The following SLC14A2 variants were observed in gnomAD, a reference collection of about 807,000 sequenced individuals.
SLC14A2 encodes the protein solute carrier family 14 member 2.
A neutral mutation model predicts 104.6 loss-of-function variants in SLC14A2; 91 were observed. The ratio of observed to expected loss-of-function variants is 0.87; its 90% CI spans 0.73 to 1.04. The LOEUF is 1.04. Among genes scored for constraint, SLC14A2 ranks in the 50% least tolerant of loss-of-function variants. The pLI, the probability that SLC14A2 is intolerant of heterozygous loss-of-function variation, is 0.00. For missense variants in SLC14A2, 1,189 were observed against 1,156.0 expected (o/e 1.03, Z -0.41); for synonymous variants, 476 against 466.4 (o/e 1.02, Z -0.27).
intron 1 of SLC14A2, among the ~76,000 whole-genome samples, chr18:45,349,720 A>G (rs1280433328): frequency 6.6e-6 from 1 of 152,240 alleles, no homozygotes; most frequent in Non-Finnish European, 1.5e-5. Flanking sequence ...TTTCCCTGGA[A>G]TCATCCAAGG....
intron 1 of SLC14A2, among the ~76,000 whole-genome samples, chr18:45,371,172 C>T (rs983755822): frequency 6.6e-6 from 1 of 152,182 alleles, no homozygotes; most frequent in Admixed American, 6.5e-5. Flanking sequence ...CCTGAGACAT[C>T]GCTCTACCTC....
chr18:45,500,026 A>G (rs555697737), intron 2 of SLC14A2, among the ~76,000 whole-genome samples: 7 of 152,358 alleles, frequency 4.6e-5, no homozygotes, highest in Non-Finnish European at 1.0e-4. Flanking sequence ...TCTAGAGTCA[A>G]ATTAGACTCC....
intron 2 of SLC14A2, among the ~76,000 whole-genome samples, chr18:45,504,527 T>C (rs1173487127): frequency 6.6e-6 from 1 of 152,238 alleles, no homozygotes; most frequent in Non-Finnish European, 1.5e-5. Flanking sequence ...CTAGTTAATA[T>C]CCTGTTTAAG....
At chr18:45,504,723 A>T (rs2043255122) in intron 2 of SLC14A2, among the ~76,000 whole-genome samples, 1 of 152,226 alleles carries the variant, frequency 6.6e-6, no homozygotes, top group Admixed American at 6.5e-5. Context: ...GAAGCAACTC[A>T]ATCCAGGAAC....
the SLC14A2 span, among the ~76,000 whole-genome samples, chr18:45,194,668 C>T: frequency 1.7e-4 from 15 of 85,920 alleles, no homozygotes; most frequent in African/African-American, 5.0e-4. Flanking sequence ...TTTTTTGAGA[C>T]GGTGTCTCAC....
At chr18:45,607,201 A>G (rs1372408229) in intron 2 of SLC14A2, among the ~76,000 whole-genome samples, 1 of 152,164 alleles carries the variant, frequency 6.6e-6, no homozygotes, top group African/African-American at 2.4e-5. Flanking sequence ...TAATTCTTCA[A>G]TTAGTGGGTT....
Position 45,637,201 on chromosome 18 carries a change from ATGAGT to A in SLC14A2, c.843+24_843+28del. 1 of 1,604,572 alleles carries A rather than the reference ATGAGT, an allele frequency of 6.2e-7. No individual in the cohort carries two copies. The highest frequency in any genetic ancestry group is 8.5e-7 in the Non-Finnish European group (1 of 1,172,496). ...GCCCCTGGTAAGTTACCCAGCGGTG[ATGAGT>A]TGAGACCCCCATATTCCACTGCAGA... On this transcript the variant is annotated intron_variant, in intron 6 of 19. Coordinates refer to ENST00000255226, the MANE Select transcript of SLC14A2 (RefSeq NM_007163.4).
At chr18:45,276,222 C>A (rs188506647) in intron 1 of SLC14A2, among the ~76,000 whole-genome samples, 3 of 152,138 alleles carry the variant, frequency 2.0e-5, no homozygotes, top group African/African-American at 4.8e-5. Context: ...ATTTCACAGG[C>A]GGCATATTTC....
chr18:45,679,303 T>C (rs1029133442), intron 19 of SLC14A2, among the ~76,000 whole-genome samples: 2 of 152,252 alleles, frequency 1.3e-5, no homozygotes, highest in South Asian at 2.1e-4. Context: ...AATTCCTTTC[T>C]ATCTTCCTCT....
intron 1 of SLC14A2, among the ~76,000 whole-genome samples, chr18:45,359,547 G>A (rs962107134): frequency 6.6e-6 from 1 of 152,206 alleles, no homozygotes; most frequent in African/African-American, 2.4e-5. Flanking sequence ...TTATCTCCAG[G>A]TGTTCGCCTA....
intron 1 of SLC14A2, among the ~76,000 whole-genome samples, chr18:45,398,693 G>C (rs2086063275): frequency 6.6e-6 from 1 of 152,154 alleles, no homozygotes; most frequent in Non-Finnish European, 1.5e-5. Context: ...AAATAAGCCA[G>C]TCAACCCCAA....
At chr18:45,588,418 C>T (rs190670109) in intron 2 of SLC14A2, among the ~76,000 whole-genome samples, 1 of 152,312 alleles carries the variant, frequency 6.6e-6, no homozygotes, top group African/African-American at 2.4e-5. Flanking sequence ...GAGTTTCTCC[C>T]ACCCACATGG....
At chr18:45,669,521 G>A in intron 16 of SLC14A2, 23 bp downstream of exon 16, 1 of 1,598,048 alleles carries the variant, frequency 6.3e-7, no homozygotes, top group Non-Finnish European at 8.6e-7. Flanking sequence ...GAAGGAGGAA[G>A]GGCAGGTCTG....
intron 16 of SLC14A2, among the ~76,000 whole-genome samples, chr18:45,670,478 T>A (rs2046113048): frequency 6.6e-6 from 1 of 152,136 alleles, no homozygotes; most frequent in Non-Finnish European, 1.5e-5. Context: ...TGAGACTTCG[T>A]TATTGGCAAC....
At chr18:45,432,151 TTTTTCC>T (rs2086527076) in intron 1 of SLC14A2, among the ~76,000 whole-genome samples, 1 of 152,136 alleles carries the variant, frequency 6.6e-6, no homozygotes, top group South Asian at 2.1e-4. Context: ...CCTCCTACTA[TTTTTCC>T]ATCTTTTATA....
chr18:45,281,831 G>A (rs577709370), intron 1 of SLC14A2, among the ~76,000 whole-genome samples: 1 of 152,272 alleles, frequency 6.6e-6, no homozygotes, highest in African/African-American at 2.4e-5. Flanking sequence ...CCATGCAGCT[G>A]AGAGTGTAAA....
chr18:45,478,978 C>A (rs1047158551), intron 1 of SLC14A2, among the ~76,000 whole-genome samples: 1 of 152,198 alleles, frequency 6.6e-6, no homozygotes, highest in Non-Finnish European at 1.5e-5. Flanking sequence ...CCCCAAAAGA[C>A]GGTGTTGGTT....
chr18:45,202,673 T>C, the SLC14A2 span, among the ~76,000 whole-genome samples: 2 of 152,184 alleles, frequency 1.3e-5, no homozygotes, highest in Non-Finnish European at 2.9e-5. Flanking sequence ...CCTGGTTCTC[T>C]CTCAAAGAGA....
chr18:45,445,587 CAAGAATAAT>C (rs908650996), intron 1 of SLC14A2, among the ~76,000 whole-genome samples: 4 of 152,086 alleles, frequency 2.6e-5, no homozygotes, highest in African/African-American at 9.7e-5. Context: ...ATCTTTAAAA[CAAGAATAAT>C]AAGAATACCA....
Sources: allele counts gnomAD v4.1 joint callset (sites outside exome capture counted in the v4.1 genomes callset), GRCh38; gene constraint gnomAD v4.1.1; transcripts MANE v1.5; gene names NCBI Gene and HGNC (gene_info 2026-07-23, HGNC 2026-07-21).